Variants in RPSA2 observed in about 807,000 individuals in gnomAD.
RPSA2 encodes the protein small ribosomal subunit protein uS2B.
chr19:23,822,703 G>A, the RPSA2 span, among the ~76,000 whole-genome samples: 3 of 152,126 alleles, frequency 2.0e-5, no homozygotes, highest in Non-Finnish European at 4.4e-5. Context: ...CCTGGGACAG[G>A]GGCTCAGATT....
the RPSA2 span, among the ~76,000 whole-genome samples, chr19:23,766,509 TGGC>T: frequency 6.7e-6 from 1 of 149,794 alleles, no homozygotes; most frequent in Non-Finnish European, 1.5e-5. Context: ...TGGAGGGCAG[TGGC>T]GCGATCTCCC....
At chr19:23,787,290 G>GCCTA in the RPSA2 span, among the ~76,000 whole-genome samples, 1 of 152,226 alleles carries the variant, frequency 6.6e-6, no homozygotes, top group East Asian at 1.9e-4. Flanking sequence ...CCTGGGCCTT[G>GCCTA]CCTATAGGCG....
At chr19:23,870,014 C>T in the RPSA2 span, among the ~76,000 whole-genome samples, 1 of 152,302 alleles carries the variant, frequency 6.6e-6, no homozygotes, top group Non-Finnish European at 1.5e-5. Context: ...CATGTAATAT[C>T]TCTACTTTGA....
chr19:23,809,780 A>G, the RPSA2 span, among the ~76,000 whole-genome samples: 1 of 151,908 alleles, frequency 6.6e-6, no homozygotes, highest in South Asian at 2.1e-4. Context: ...ACCAACAGCA[A>G]TGTTTTACTT....
chr19:23,766,749 G>A, the RPSA2 span, among the ~76,000 whole-genome samples: 2 of 117,226 alleles, frequency 1.7e-5, no homozygotes, highest in Non-Finnish European at 3.4e-5. Flanking sequence ...CCACCGTGCC[G>A]GGCCAAATGT....
the RPSA2 span, among the ~76,000 whole-genome samples, chr19:23,837,421 G>C: frequency 6.6e-6 from 1 of 152,050 alleles, no homozygotes; most frequent in Non-Finnish European, 1.5e-5. Flanking sequence ...CTCCAGATTT[G>C]TTCTTTTTTC....
chr19:23,820,037 T>G, the RPSA2 span, among the ~76,000 whole-genome samples: 1 of 152,052 alleles, frequency 6.6e-6, no homozygotes, highest in Non-Finnish European at 1.5e-5. Flanking sequence ...TCAGTCCTGA[T>G]GGGGAAAGCC....
the RPSA2 span, among the ~76,000 whole-genome samples, chr19:23,856,805 A>T: frequency 6.6e-6 from 1 of 152,204 alleles, no homozygotes; most frequent in African/African-American, 2.4e-5. Context: ...GTTTTTATTA[A>T]GGATTTCAAA....
the RPSA2 span, among the ~76,000 whole-genome samples, chr19:23,773,850 G>C: frequency 2.0e-5 from 3 of 152,164 alleles, no homozygotes; most frequent in Admixed American, 6.5e-5. Context: ...GTTCATCGTT[G>C]AAATTGTAAC....
At chr19:23,827,809 T>A in the RPSA2 span, 1 of 1,576,728 alleles carries the variant, frequency 6.3e-7, no homozygotes, top group East Asian at 2.2e-5. Flanking sequence ...AAGAGCAGGC[T>A]GCTGCTGAGA....
the RPSA2 span, among the ~76,000 whole-genome samples, chr19:23,862,190 G>A: frequency 7.8e-4 from 119 of 152,202 alleles, no homozygotes; most frequent in East Asian, 0.02. Context: ...TCTGTTATTG[G>A]TGTATAGGAA....
the RPSA2 span, among the ~76,000 whole-genome samples, chr19:23,776,712 G>C: frequency 6.6e-6 from 1 of 152,162 alleles, no homozygotes; most frequent in African/African-American, 2.4e-5. Flanking sequence ...TGCAGAGATT[G>C]TAACAAACTG....
the RPSA2 span, among the ~76,000 whole-genome samples, chr19:23,789,636 C>T: frequency 2.0e-5 from 3 of 152,110 alleles, no homozygotes; most frequent in Non-Finnish European, 4.4e-5. Context: ...TTACCACTCT[C>T]TCACATATTG....
chr19:23,832,775 A>C, the RPSA2 span: 3 of 1,571,440 alleles, frequency 1.9e-6, no homozygotes, highest in South Asian at 3.3e-5. Context: ...ACTCGACATA[A>C]GATAATTCAT....
chr19:23,844,912 CTT>C, the RPSA2 span, among the ~76,000 whole-genome samples: 1 of 149,450 alleles, frequency 6.7e-6, no homozygotes, highest in Admixed American at 6.7e-5. Context: ...TTTTTCAAGA[CTT>C]TTTTTTATTA....
the RPSA2 span, among the ~76,000 whole-genome samples, chr19:23,800,199 A>AT: frequency 3.4e-3 from 21 of 6,212 alleles, no homozygotes; most frequent in South Asian, 0.12. Flanking sequence ...CGTCTTTTTT[A>AT]TTTTATTTTA....
the RPSA2 span, among the ~76,000 whole-genome samples, chr19:23,765,735 C>T: frequency 6.6e-6 from 1 of 152,108 alleles, no homozygotes; most frequent in Non-Finnish European, 1.5e-5. Flanking sequence ...ACAAATTTAC[C>T]TATGTAAAAA....
the RPSA2 span, among the ~76,000 whole-genome samples, chr19:23,865,566 T>C: frequency 2.0e-5 from 3 of 152,094 alleles, no homozygotes; most frequent in Non-Finnish European, 4.4e-5. Flanking sequence ...AAAAACTCAT[T>C]TGTTCCTCCA....
At chr19:23,787,042 A>C in the RPSA2 span, among the ~76,000 whole-genome samples, 2 of 152,012 alleles carry the variant, frequency 1.3e-5, no homozygotes, top group African/African-American at 4.8e-5. Context: ...CCCAGCATCC[A>C]GGTGATGTGG....
Sources: allele counts gnomAD v4.1 joint callset (sites outside exome capture counted in the v4.1 genomes callset), GRCh38; gene constraint gnomAD v4.1.1; transcripts MANE v1.5; gene names NCBI Gene and HGNC (gene_info 2026-07-23, HGNC 2026-07-21).